FAM200A: variants seen among roughly 807,000 people sequenced by gnomAD.
The protein encoded by FAM200A is ZBED8 like.
Under a neutral mutation model 44.2 loss-of-function variants are expected in FAM200A, and 26 were observed. The ratio of observed to expected loss-of-function variants is 0.59; its 90% confidence interval spans 0.43 to 0.82. FAM200A has a LOEUF of 0.82. Ranked by LOEUF, FAM200A falls within the 40% of genes least tolerant of loss-of-function variation. The probability of loss-of-function intolerance (pLI) is 0.00; values close to 1 mark genes in which losing one functional copy is unlikely to be tolerated. For missense variants in FAM200A, 606 were observed against 669.5 expected (o/e 0.91, Z 1.05); for synonymous variants, 206 against 244.4 (o/e 0.84, Z 1.47).
upstream of FAM200A, among the ~76,000 whole-genome samples, chr7:99,553,094 TATATA>T (rs1157822740): frequency 2.2e-3 from 188 of 84,338 alleles, 1 homozygote; most frequent in African/African-American, 0.016. Context: ...TATATATATA[TATATA>T]TTTTTTTTTT....
chr7:99,551,734 G>A (rs1469462643), intron 1 of FAM200A, 120 bp downstream of exon 1: 2 of 809,210 alleles, frequency 2.5e-6, no homozygotes, highest in Non-Finnish European at 3.0e-6. Flanking sequence ...GGGTCATTTT[G>A]TCCGCGCGTC....
intron 1 of FAM200A, among the ~76,000 whole-genome samples, chr7:99,549,763 GT>G (rs1802486951): frequency 1.3e-5 from 2 of 152,204 alleles, no homozygotes; most frequent in Non-Finnish European, 2.9e-5. Context: ...CATGGATGAA[GT>G]TGGAAACCAT....
chr7:99,555,737 C>T (rs1239454584), upstream of FAM200A, among the ~76,000 whole-genome samples: 2 of 151,868 alleles, frequency 1.3e-5, no homozygotes, highest in African/African-American at 4.8e-5. Flanking sequence ...GGTGAAACCC[C>T]TCCACTACTA....
upstream of FAM200A, among the ~76,000 whole-genome samples, chr7:99,554,495 A>G (rs1029121928): frequency 4.8e-4 from 73 of 151,666 alleles, no homozygotes; most frequent in African/African-American, 1.4e-3. Flanking sequence ...AAAAAAAAAA[A>G]AAAAAGAAAA....
upstream of FAM200A, among the ~76,000 whole-genome samples, chr7:99,552,630 T>C: frequency 6.6e-6 from 1 of 152,190 alleles, no homozygotes; most frequent in Admixed American, 6.5e-5. Flanking sequence ...TGAAATAAGT[T>C]GAATTTGAGG....
Position 99,547,483 on chromosome 7 carries a change from C to G in FAM200A, c.925G>C (p.Val309Leu). ...TEVRWLSQGK[V>L]LSRVYELRNE... ...CTGAGTTCATATACTCTGCTCAATA[C>G]TTTTCCTTGAGAAAGCCAACGAACT... The change falls in exon 2 of 2, where the codon GTA (valine) becomes CTA (leucine). Residue 309 changes from valine to leucine, a missense_variant. Transcript: ENST00000449309. 5 of 1,549,972 alleles carry G rather than the reference C, an allele frequency of 3.2e-6. No homozygotes were observed. The highest frequency in any genetic ancestry group is 1.4e-5 in the African/African-American group (1 of 73,118).
Position 99,548,430 on chromosome 7 carries a change from T to G in FAM200A, c.-23A>C. On this transcript the variant is annotated 5_prime_UTR_variant, in exon 2 of 2. Transcript: ENST00000449309. ...CATTATTCAGGTTCCAGGAACTGGC[T>G]CACTTGATCCAAATAGGGTCTGTTT... is the stretch of plus-strand genomic sequence containing the variant. 6.2e-7 allele frequency: 1 copy of G among 1,603,504 alleles called. No homozygotes were observed. Among genetic ancestry groups the G allele is most frequent in the Non-Finnish European group, 8.5e-7 (1 of 1,174,494 alleles).
Position 99,551,926 on chromosome 7 carries a change from G to A in FAM200A, c.-172C>T. On this transcript the variant is annotated 5_prime_UTR_variant, in exon 1 of 2. Transcript: ENST00000449309. ...AGGCTGGCGCGAGGAACGGGGGCAC[G>A]GACCCGCTTCCACTCCGTCCCGGGC... 6.1e-6 allele frequency: 6 copies of A among 985,570 alleles called. No homozygotes were observed. Among genetic ancestry groups the A allele is most frequent in the South Asian group, 9.4e-5 (2 of 21,292 alleles). The allele number at this position is 985,570 out of a possible 1,614,324, so 61.1% of individuals were successfully genotyped here. A position where few individuals can be genotyped will look rare whatever the true frequency, so the allele number is the denominator to read the frequency against.
Position 99,547,747 on chromosome 7 carries a change from G to A in FAM200A, c.661C>T (p.His221Tyr), listed in dbSNP as rs769983896. Residue 221 changes from histidine (H) to tyrosine (Y), a missense_variant, in exon 2 of 2, where the codon CAC becomes TAC. Coordinates refer to ENST00000449309, the MANE Select transcript of FAM200A (RefSeq NM_145111.4). ...AACAATTTTTCAGTAAGTCTGCTGT[G>A]TTTTCCGGTCATATTTGCTGTTCCA... is the stretch of plus-strand genomic sequence containing the variant. Reference protein sequence around the residue: ...SDGTANMTGKHSRLTEKLLEA... With the variant: ...SDGTANMTGKYSRLTEKLLEA... The A allele has an allele frequency of 1.3e-6, 2 of 1,551,568 alleles. No individual in the cohort carries two copies. The highest frequency in any genetic ancestry group is 1.2e-5 in the South Asian group (1 of 84,058).
upstream of FAM200A, among the ~76,000 whole-genome samples, chr7:99,556,234 C>T (rs959554049): frequency 1.3e-5 from 2 of 152,282 alleles, no homozygotes; most frequent in African/African-American, 4.8e-5. Flanking sequence ...GTACTACTAG[C>T]ATTTGTCATC....
Position 99,547,819 on chromosome 7 carries a change from C to G in FAM200A, c.589G>C (p.Gly197Arg). The G allele has an allele frequency of 6.4e-7, 1 of 1,551,276 alleles. No homozygotes were observed. Among genetic ancestry groups the G allele is most frequent in the Non-Finnish European group, 8.7e-7 (1 of 1,146,910 alleles). The stretch of plus-strand genomic sequence containing the variant: ...TGTTTCCAGTTTAATTTATACTGAC[C>G]AAGAAGGCAGTTTTCTAATTCAGTA... ...LFTELENCLL[G>R]QYKLNWKHCK... Residue 197 changes from glycine to arginine, a missense_variant, in exon 2 of 2, where the codon GGT (glycine) becomes CGT (arginine). Gly to Arg is a moderately radical substitution (Grantham distance 125). Transcript: ENST00000449309.
chr7:99,547,173 T>C lies in FAM200A; in HGVS notation c.1235A>G (p.Asn412Ser). Residue 412 changes from asparagine to serine, a missense_variant, in exon 2 of 2, where the codon AAT becomes AGT. Transcript: ENST00000449309. ...TTTTATTTCTTTTAAGCAGTCTTCA[T>C]TAATAATGTTCTCTTCGATGTGTTG... is the stretch of plus-strand genomic sequence containing the variant. ...LLQHIEENII[N>S]EDCLKEIKLE... The C allele has an allele frequency of 6.5e-7, 1 of 1,547,674 alleles. No individual in the cohort carries two copies. The highest frequency in any genetic ancestry group is 8.7e-7 in the Non-Finnish European group (1 of 1,145,848).
In FAM200A at chr7:99,547,648, A is replaced by C. The variant is rs1802421249; in HGVS notation, c.760T>G (p.Ser254Ala). 1 of 1,551,186 alleles carries C rather than the reference A, an allele frequency of 6.4e-7. No individual in the cohort carries two copies. The highest frequency in any genetic ancestry group is 1.4e-5 in the African/African-American group (1 of 73,038). ...TTCAATACATCCATCAGACTTGGTG[A>C]AATTTCTTTGGATACCAAAGCTTCT... ...HREALVSKEI[S>A]PSLMDVLKNA... The change falls in exon 2 of 2, where the codon TCA becomes GCA. Residue 254 changes from serine (S) to alanine (A), a missense_variant. By Grantham distance (99) the Ser-to-Ala change is moderately conservative (BLOSUM62 1). Transcript: ENST00000449309.
At chr7:99,553,070 CATATATAT>C (rs1178743418), upstream of FAM200A, among the ~76,000 whole-genome samples, 525 of 74,016 alleles carry the variant, frequency 7.1e-3, 5 homozygotes, top group African/African-American at 0.027. Context: ...TATACACACA[CATATATAT>C]ATATATATAT....
upstream of FAM200A, chr7:99,552,182 G>C: frequency 1.0e-6 from 1 of 985,066 alleles, no homozygotes; most frequent in Non-Finnish European, 1.2e-6. Context: ...CTCTAGGATC[G>C]CGGGAGGACT....
rs1182620254 is a variant in FAM200A, at chr7:99,548,134, T to C, written c.274A>G (p.Met92Val). ...EKIILPACMD[M>V]VRTIFDDKSA... ...TTGTCATCAAAAATTGTCCGTACCA[T>C]GTCCATACATGCTGGAAGGATAATT... Residue 92 changes from methionine (M) to valine (V), a missense_variant, in exon 2 of 2, where the codon ATG becomes GTG. By Grantham distance (21) the Met-to-Val change is conservative. Coordinates refer to ENST00000449309, the MANE Select transcript of FAM200A (RefSeq NM_145111.4). The C allele has an allele frequency of 1.0e-5, 16 of 1,551,700 alleles. No homozygotes were observed. In the East Asian group the frequency reaches 1.2e-4, roughly 12 times the overall value.
At chr7:99,556,361 C>G (rs1802675065), upstream of FAM200A, among the ~76,000 whole-genome samples, 1 of 152,178 alleles carries the variant, frequency 6.6e-6, no homozygotes, top group Non-Finnish European at 1.5e-5. Flanking sequence ...CTCAGGGGAC[C>G]TGCCGAGTCT....
upstream of FAM200A, among the ~76,000 whole-genome samples, chr7:99,555,901 G>A (rs896189505): frequency 2.6e-5 from 4 of 152,020 alleles, no homozygotes; most frequent in Non-Finnish European, 5.9e-5. Flanking sequence ...GCAAGACTCC[G>A]TGTCAAGAAA....
At chr7:99,556,024 A>G (rs774170904), upstream of FAM200A, among the ~76,000 whole-genome samples, 75 of 152,314 alleles carry the variant, frequency 4.9e-4, 2 homozygotes, top group Non-Finnish European at 2.6e-4. Flanking sequence ...GGGGCCCACC[A>G]GGACCTGTAC....
Sources: gnomAD v4.1 joint callset for allele counts (sites outside exome capture counted in the v4.1 genomes callset) on GRCh38, gnomAD v4.1.1 for gene constraint, MANE v1.5 for transcripts, NCBI Gene and HGNC (gene_info 2026-07-23, HGNC 2026-07-21) for gene names.